UCHL5: variants seen among roughly 807,000 people sequenced by gnomAD.
UCHL5 encodes the protein ubiquitin C-terminal hydrolase L5, also known as ubiquitin carboxyl-terminal hydrolase isozyme L5.
UCHL5 carries 34 observed loss-of-function variants against 53.8 expected under a neutral mutation model. The ratio of observed to expected loss-of-function variants is 0.63; its 90% CI spans 0.48 to 0.84. The LOEUF is 0.84. UCHL5 is among the 40% of genes least tolerant of loss of function. The pLI, the probability that UCHL5 is intolerant of heterozygous loss-of-function variation, is 0.00. For missense variants in UCHL5, 290 were observed against 385.6 expected (o/e 0.75, Z 2.08); for synonymous variants, 111 against 126.3 (o/e 0.88, Z 0.81).
intron 10 of UCHL5, among the ~76,000 whole-genome samples, chr1:193,019,181 C>A (rs1185816815): frequency 6.6e-6 from 1 of 151,514 alleles, no homozygotes; most frequent in Non-Finnish European, 1.5e-5. Context: ...TATTTAGGAG[C>A]TACCCTGTGC....
upstream of UCHL5, chr1:193,059,622 G>T: frequency 7.1e-7 from 1 of 1,413,026 alleles, no homozygotes; most frequent in East Asian, 3.9e-5. The surrounding 1 kb of genome is among the most constrained non-coding windows in gnomAD (Gnocchi z 4.9). Flanking sequence ...ACTCGTTCCC[G>T]GGAACCGAAC....
chr1:193,037,722 CAACCAAATAGTAACA>C (rs1351331442), intron 3 of UCHL5, among the ~76,000 whole-genome samples: 1 of 151,920 alleles, frequency 6.6e-6, no homozygotes, highest in East Asian at 1.9e-4. Flanking sequence ...CAAAAATCTT[CAACCAAATAGTAACA>C]AACCAAATTC....
rs1022674455 is a variant in UCHL5 at position 193,014,586 on chromosome 1, AC to A, written c.*1764del. ...AAAAGCTTCATACTTTTAAAATATT[AC>A]ATTTAGGTCTATGATTCATCTCAAA... On this transcript the variant is annotated 3_prime_UTR_variant, in exon 11 of 11. Coordinates refer to ENST00000367454, the MANE Select transcript of UCHL5 (RefSeq NM_001199261.3). 1 of 152,116 alleles carries A rather than the reference AC, an allele frequency of 6.6e-6. No homozygotes were observed. Among genetic ancestry groups the A allele is most frequent in the Non-Finnish European group, 1.5e-5 (1 of 67,992 alleles). 9.4% of individuals were successfully genotyped at this position (152,116 alleles called of 1,614,324 possible). A position where few individuals can be genotyped will look rare whatever the true frequency, so the allele number is the denominator to read the frequency against.
intron 7 of UCHL5, among the ~76,000 whole-genome samples, chr1:193,026,396 G>A: frequency 6.6e-6 from 1 of 152,206 alleles, no homozygotes; most frequent in Admixed American, 6.5e-5. Flanking sequence ...TGCAGGCAAT[G>A]TGTTTGATGA....
chr1:193,059,696 C>T (rs1410068029), upstream of UCHL5: 5 of 1,358,702 alleles, frequency 3.7e-6, no homozygotes, highest in South Asian at 1.2e-5. The surrounding 1 kb of genome is among the most constrained non-coding windows in gnomAD (Gnocchi z 4.9). Context: ...CGTCAGGCTG[C>T]CTTCTTTTGT....
intron 10 of UCHL5, among the ~76,000 whole-genome samples, chr1:193,017,312 C>T (rs1202884180): frequency 1.3e-5 from 2 of 151,466 alleles, no homozygotes; most frequent in Admixed American, 1.3e-4. Flanking sequence ...TTTTTTAAAA[C>T]GTCCTTAAAT....
chr1:193,023,173 G>A, intron 8 of UCHL5, 137 bp from the exon 9 acceptor site: 1 of 617,994 alleles, frequency 1.6e-6, no homozygotes, highest in South Asian at 2.1e-5. Flanking sequence ...CCGCCTAACA[G>A]CAGCATTAAA....
chr1:193,029,689 G>C (rs1286144128), intron 3 of UCHL5, 32 bp from the exon 4 acceptor site: 2 of 1,520,664 alleles, frequency 1.3e-6, no homozygotes, highest in Non-Finnish European at 1.8e-6. Flanking sequence ...ATATCAATGT[G>C]TTTAAAAAAA....
In UCHL5 at chr1:193,013,054, A is replaced by G. The variant is rs1237891392; in HGVS notation, c.*3297T>C. 6.6e-6 allele frequency: 1 copy of G among 152,238 alleles called. No individual in the cohort carries two copies. Among genetic ancestry groups the G allele is most frequent in the Non-Finnish European group, 1.5e-5 (1 of 68,040 alleles). 9.4% of individuals were successfully genotyped at this position (152,238 alleles called of 1,614,324 possible). On this transcript the variant is annotated 3_prime_UTR_variant, in exon 11 of 11. Coordinates refer to ENST00000367454, the MANE Select transcript of UCHL5 (RefSeq NM_001199261.3). The stretch of plus-strand genomic sequence containing the variant: ...AAAAACGCAGTATCATTCTAAAAAT[A>G]TAACTATCCAGTTTGTCTGTTTTAG...
At position 193,049,859 on chromosome 1, in the gene UCHL5, A is replaced by G. The variant is rs772050947; in HGVS notation, c.141-8T>C. 2.5e-6 allele frequency: 4 copies of G among 1,598,978 alleles called. No homozygotes were observed. The East Asian group carries it at 9.0e-5, about 36-fold the overall frequency. On this transcript the variant is annotated splice_polypyrimidine_tract_variant and splice_region_variant and intron_variant, in intron 2 of 10. Transcript: ENST00000367454. ...ATTAACCCATGAACTGGCCTACAAA[A>G]TAAAATACAAATTAATGACATCAAA... is the stretch of plus-strand genomic sequence containing the variant.
At chr1:193,031,540 T>C (rs758345898) in intron 3 of UCHL5, among the ~76,000 whole-genome samples, 5 of 152,160 alleles carry the variant, frequency 3.3e-5, no homozygotes, top group Non-Finnish European at 7.4e-5. Context: ...AAAGTTACAA[T>C]GTACATGGGT....
At chr1:193,047,823 G>A (rs1261507007) in intron 3 of UCHL5, among the ~76,000 whole-genome samples, 3 of 152,114 alleles carry the variant, frequency 2.0e-5, no homozygotes, top group African/African-American at 4.8e-5. Context: ...AAAAGCAACA[G>A]TGTGTAAAAC....
At chr1:193,020,244 C>T in intron 10 of UCHL5, 3 of 1,493,060 alleles carry the variant, frequency 2.0e-6, no homozygotes, top group Non-Finnish European at 1.8e-6. Context: ...TAACATGAAA[C>T]AGCTTGGTTG....
intron 2 of UCHL5, among the ~76,000 whole-genome samples, chr1:193,050,257 T>G (rs900785115): frequency 1.3e-5 from 2 of 152,254 alleles, no homozygotes; most frequent in African/African-American, 4.8e-5. Context: ...GTAACCTTCA[T>G]ATATTATTGG....
chr1:193,051,596 T>A (rs909201096), intron 2 of UCHL5, among the ~76,000 whole-genome samples, 158 bp downstream of exon 2: 3 of 151,142 alleles, frequency 2.0e-5, no homozygotes, highest in Non-Finnish European at 4.4e-5. Flanking sequence ...TATAAAAAAA[T>A]AATAATAATA....
At chr1:193,019,928 T>C (rs1656308739) in intron 10 of UCHL5, 1 of 976,290 alleles carries the variant, frequency 1.0e-6, no homozygotes, top group Non-Finnish European at 1.2e-6. Flanking sequence ...TTATAGTTAT[T>C]TTAATATTTT....
chr1:193,048,392 T>C (rs1667989210), intron 3 of UCHL5, among the ~76,000 whole-genome samples: 2 of 152,194 alleles, frequency 1.3e-5, no homozygotes, highest in South Asian at 2.1e-4. Flanking sequence ...CAATATCATA[T>C]CTAATGTGTC....
chr1:193,059,624 G>A, upstream of UCHL5: 1 of 1,411,302 alleles, frequency 7.1e-7, no homozygotes, highest in South Asian at 1.1e-5. The surrounding 1 kb of genome is among the most constrained non-coding windows in gnomAD (Gnocchi z 4.9). Context: ...TCGTTCCCGG[G>A]AACCGAACCT....
chr1:193,058,162 G>A (rs1671336659), intron 1 of UCHL5, among the ~76,000 whole-genome samples: 1 of 152,164 alleles, frequency 6.6e-6, no homozygotes, highest in Non-Finnish European at 1.5e-5. Context: ...GAGAGATGGA[G>A]GTTGCAGTGG....
Sources: gnomAD v4.1 joint callset for allele counts (sites outside exome capture counted in the v4.1 genomes callset) on GRCh38, gnomAD v4.1.1 for gene constraint, Gnocchi (gnomAD v3.1) non-coding constraint, MANE v1.5 for transcripts, NCBI Gene and HGNC (gene_info 2026-07-23, HGNC 2026-07-21) for gene names.